Variants in DNAJC7 observed in about 807,000 individuals in gnomAD.
DNAJC7 encodes DnaJ heat shock protein family (Hsp40) member C7.
A neutral mutation model predicts 67.4 loss-of-function variants in DNAJC7; 18 were observed. The ratio of observed to expected loss-of-function variants is 0.27; its 90% CI spans 0.18 to 0.40. The LOEUF (loss-of-function observed/expected upper bound fraction) is 0.40, where lower values mean the gene tolerates loss of function less well. Ranked by LOEUF, DNAJC7 falls within the 10% of genes least tolerant of loss-of-function variation. The pLI is 1.00. For synonymous variants in DNAJC7, 220 were observed against 207.8 expected, an observed-to-expected ratio of 1.06 and a Z score of -0.50; for missense variants, 419 against 613.8, an observed-to-expected ratio of 0.68 and a Z score of 3.35.
chr17:41,999,641 C>T (rs1555649140), intron 2 of DNAJC7, among the ~76,000 whole-genome samples: 1 of 152,156 alleles, frequency 6.6e-6, no homozygotes, highest in East Asian at 1.9e-4. Context: ...CTGCCTCAGC[C>T]TCCCTAGTAG....
At chr17:41,998,162 CCT>C (rs149240503) in intron 2 of DNAJC7, among the ~76,000 whole-genome samples, 34 of 151,512 alleles carry the variant, frequency 2.2e-4, no homozygotes, top group Non-Finnish European at 5.0e-4. Context: ...TGCACCCAGC[CCT>C]GACACACTCT....
At chr17:41,992,506 T>G (rs538249847) in intron 5 of DNAJC7, 17 of 152,224 alleles carry the variant, frequency 1.1e-4, no homozygotes, top group Admixed American at 9.8e-4. Context: ...ATATGAAAAC[T>G]TAAGCATTAT....
At chr17:41,998,588 T>C (rs1461029986) in intron 2 of DNAJC7, among the ~76,000 whole-genome samples, 1 of 152,214 alleles carries the variant, frequency 6.6e-6, no homozygotes, top group Non-Finnish European at 1.5e-5. Context: ...GATTATCTTT[T>C]GAGGAGAGAG....
rs73309758 is a variant in DNAJC7 at position 42,005,504 on chromosome 17, G to C, written c.78-4934C>G. The stretch of plus-strand genomic sequence containing the variant: ...CCTACACTAATGCAGAATTAATTGT[G>C]TGGTAGTTTTTAAAATGTCATTAAC... On this transcript the variant is annotated intron_variant, in intron 1 of 13. Coordinates refer to ENST00000457167, the MANE Select transcript of DNAJC7 (RefSeq NM_003315.4). 6.0e-3 allele frequency among the ~76,000 whole-genome samples: 912 copies of C among 152,286 alleles called. 5 individuals are homozygous for C. The highest frequency in any genetic ancestry group is 0.021 in the African/African-American group (879 of 41,542).
At chr17:41,987,668 G>T in intron 9 of DNAJC7, 151 bp downstream of exon 9, 1 of 592,850 alleles carries the variant, frequency 1.7e-6, no homozygotes, top group South Asian at 2.3e-5. Context: ...GGTCTATAAA[G>T]ATAGTCTAGG....
Position 41,994,924 on chromosome 17 carries a change from G to T in DNAJC7, c.426C>A (p.Val142=). The part of the protein sequence containing the change: ...AQQEFKNANA[V]MEYEKIAETD... ...TTTCTGCTATTTTCTCATATTCCATGACTGCATTAGCATTCTTGAACTGCA... is the reference window on the plus strand; with the variant it reads ...TTTCTGCTATTTTCTCATATTCCATTACTGCATTAGCATTCTTGAACTGCA... The change falls in exon 5 of 14, where the codon GTC becomes GTA. Residue 142 remains valine (V), a synonymous_variant. Transcript: ENST00000457167. The T allele has an allele frequency of 6.2e-7, 1 of 1,613,848 alleles. No individual in the cohort carries two copies. Among genetic ancestry groups the T allele is most frequent in the South Asian group, 1.1e-5 (1 of 91,068 alleles).
chr17:41,993,622 A>G (rs985882969), intron 5 of DNAJC7, among the ~76,000 whole-genome samples: 13 of 152,224 alleles, frequency 8.5e-5, no homozygotes, highest in Non-Finnish European at 1.5e-4. Context: ...GTGGTTTTTA[A>G]CCTTTTTGGG....
chr17:42,006,818 A>AAAAAAAAC (rs2051975582), intron 1 of DNAJC7, among the ~76,000 whole-genome samples: 1 of 137,956 alleles, frequency 7.2e-6, no homozygotes, highest in South Asian at 2.3e-4. Context: ...AAAAAAAAAA[A>AAAAAAAAC]GTCCAGGCAC....
intron 5 of DNAJC7, among the ~76,000 whole-genome samples, chr17:41,994,519 CAAAAAAAAAAAAAAAA>C (rs68006925): frequency 2.6e-5 from 1 of 37,888 alleles, no homozygotes; most frequent in Admixed American, 3.2e-4. Flanking sequence ...GACTAGGCCT[CAAAAAAAAAAAAAAAA>C]AAAAAAAAAA....
At chr17:41,997,472 C>T (rs1364471337) in intron 2 of DNAJC7, among the ~76,000 whole-genome samples, 1 of 151,942 alleles carries the variant, frequency 6.6e-6, no homozygotes, top group Non-Finnish European at 1.5e-5. Context: ...TGGTGGGCCC[C>T]TGTAATTCCA....
In DNAJC7 at chr17:41,977,168, A is replaced by G; in HGVS notation, c.1447+93T>C. Reference sequence around the variant, plus strand: ...GATGAGAATTCAGCTGCCCCCGCTCATGGGCCCCTCTGACTCCCAAAGAGC... The same window carrying G: ...GATGAGAATTCAGCTGCCCCCGCTCGTGGGCCCCTCTGACTCCCAAAGAGC... On this transcript the variant is annotated intron_variant, in intron 13 of 13. Coordinates refer to ENST00000457167, the MANE Select transcript of DNAJC7 (RefSeq NM_003315.4). 3.1e-6 allele frequency: 4 copies of G among 1,285,108 alleles called. No homozygotes were observed. The South Asian group carries it at 3.9e-5, about 13-fold the overall frequency. 79.6% of individuals were successfully genotyped at this position (1,285,108 alleles called of 1,614,324 possible).
chr17:41,988,731 C>T lies in DNAJC7; in HGVS notation c.918+1G>A. 6.3e-7 allele frequency: 1 copy of T among 1,593,426 alleles called. No homozygotes were observed. Among genetic ancestry groups the T allele is most frequent in the Non-Finnish European group, 8.5e-7 (1 of 1,173,936 alleles). ...CCCCAAGATCTAGATCAAGAGCTTA[C>T]CTTGGAATTAACCGTACCCCGATTA... On this transcript the variant is annotated splice_donor_variant, in intron 8 of 13. Transcript: ENST00000457167. LOFTEE classifies it high-confidence loss of function.
intron 5 of DNAJC7, 97 bp downstream of exon 5, chr17:41,994,773 T>C: frequency 2.0e-6 from 2 of 1,003,402 alleles, no homozygotes; most frequent in Non-Finnish European, 3.1e-6. Context: ...ATTCTAGAGC[T>C]TTTGTGCCAT....
At chr17:42,016,178 A>T (rs574304916) in intron 1 of DNAJC7, 4 of 152,204 alleles carry the variant, frequency 2.6e-5, no homozygotes, top group Non-Finnish European at 5.9e-5. Flanking sequence ...CAGGAACTTG[A>T]GATCTGGCTG....
At chr17:41,983,372 C>T (rs376392322) in intron 10 of DNAJC7, among the ~76,000 whole-genome samples, 191 bp downstream of exon 10, 1 of 152,152 alleles carries the variant, frequency 6.6e-6, no homozygotes, top group Non-Finnish European at 1.5e-5. Flanking sequence ...GATCTGCCTG[C>T]CTCAGCCTCC....
intron 1 of DNAJC7, chr17:42,017,121 C>T (rs2052322231): frequency 2.1e-6 from 3 of 1,457,216 alleles, no homozygotes; most frequent in African/African-American, 2.8e-5. Flanking sequence ...GAGAACAAGG[C>T]CATGCCTCAG....
chr17:41,977,373 GA>G (rs1301015562), intron 12 of DNAJC7, 50 bp from the exon 13 acceptor site: 32 of 1,494,130 alleles, frequency 2.1e-5, no homozygotes, highest in Non-Finnish European at 2.7e-5. Flanking sequence ...TGAAAAATTA[GA>G]AATGTTCGAA....
Position 41,987,854 on chromosome 17 carries a change from G to A in DNAJC7, c.975C>T (p.Asp325=). Residue 325 remains aspartate (D), a synonymous_variant, in exon 9 of 14, where the codon GAC becomes GAT. Transcript: ENST00000457167. ...TTCTCAAGTAGGCTTTTATGTAAGTGTCATCAAGCTTCACTGCATTTGTGC... is the reference window on the plus strand; with the variant it reads ...TTCTCAAGTAGGCTTTTATGTAAGTATCATCAAGCTTCACTGCATTTGTGC... ...EDCTNAVKLD[D]TYIKAYLRRA... 3.7e-6 allele frequency: 6 copies of A among 1,611,848 alleles called. No homozygotes were observed. The highest frequency in any genetic ancestry group is 3.4e-6 in the Non-Finnish European group (4 of 1,179,150).
Position 41,996,389 on chromosome 17 carries a change from C to G in DNAJC7, c.327G>C (p.Leu109=), listed in dbSNP as rs782298122. 1.2e-6 allele frequency: 2 copies of G among 1,614,002 alleles called. No individual in the cohort carries two copies. Among genetic ancestry groups the G allele is most frequent in the Admixed American group, 3.3e-5 (2 of 60,022 alleles). Reference sequence around the variant, plus strand: ...TGCGACATGCTGCCATGGCATTCCCCAGAGAGAGGTGGCACTTGCCCTCTC... The same window carrying G: ...TGCGACATGCTGCCATGGCATTCCCGAGAGAGAGGTGGCACTTGCCCTCTC... ...HLREGKCHLS[L]GNAMAACRSF... is the part of the protein sequence containing the mutation. Residue 109 remains leucine, a synonymous_variant, in exon 4 of 14, where the codon CTG becomes CTC. Transcript: ENST00000457167.
Sources: allele counts gnomAD v4.1 joint callset (sites outside exome capture counted in the v4.1 genomes callset), GRCh38; gene constraint gnomAD v4.1.1; transcripts MANE v1.5; gene names NCBI Gene and HGNC (gene_info 2026-07-23, HGNC 2026-07-21).